CHLSN: variants seen among roughly 807,000 people sequenced by gnomAD.
CHLSN encodes protein cholesin.
chr7:999,326 C>G, the CHLSN span, among the ~76,000 whole-genome samples: 2 of 152,238 alleles, frequency 1.3e-5, no homozygotes, highest in African/African-American at 2.4e-5. Flanking sequence ...TCAGCTGCGC[C>G]GGGCGTGAGG....
At chr7:1,087,148 A>T in the CHLSN span, 1 of 152,114 alleles carries the variant, frequency 6.6e-6, no homozygotes, top group Non-Finnish European at 1.5e-5. Flanking sequence ...CCGGGGAGGG[A>T]GGTTTATTCT....
the CHLSN span, among the ~76,000 whole-genome samples, chr7:1,023,447 T>A: frequency 6.6e-6 from 1 of 151,770 alleles, no homozygotes; most frequent in African/African-American, 2.4e-5. This position sits in a 1 kb window ranked among gnomAD's most constrained non-coding sequence, Gnocchi z 5.0. Flanking sequence ...CCAGCGCCCC[T>A]CTGACAGCAC....
the CHLSN span, among the ~76,000 whole-genome samples, chr7:1,124,539 A>C: frequency 1.4e-3 from 168 of 120,908 alleles, 5 homozygotes; most frequent in East Asian, 0.039. Context: ...GCTGTGAAGA[A>C]GGAGTGAGTA....
At chr7:991,363 C>T in the CHLSN span, among the ~76,000 whole-genome samples, 33 of 152,176 alleles carry the variant, frequency 2.2e-4, no homozygotes, top group African/African-American at 3.1e-4. Flanking sequence ...CCAAGTTAGG[C>T]GGTCCAAATG....
chr7:1,047,464 G>A, the CHLSN span, among the ~76,000 whole-genome samples: 1 of 152,266 alleles, frequency 6.6e-6, no homozygotes, highest in Non-Finnish European at 1.5e-5. Context: ...ATAGGAATCA[G>A]TGTGCGTAAG....
the CHLSN span, chr7:989,766 C>A: frequency 1.5e-5 from 3 of 194,612 alleles, no homozygotes; most frequent in South Asian, 7.3e-5. Context: ...GGTGACAGAG[C>A]GAGATTCCAT....
the CHLSN span, among the ~76,000 whole-genome samples, chr7:1,073,530 C>T: frequency 3.9e-5 from 6 of 152,082 alleles, no homozygotes; most frequent in Non-Finnish European, 8.8e-5. Context: ...CCTTGAGACA[C>T]TTTTTTTACT....
the CHLSN span, among the ~76,000 whole-genome samples, chr7:1,039,189 G>A: frequency 9.4e-5 from 3 of 31,760 alleles, no homozygotes; most frequent in East Asian, 2.0e-3. Context: ...AGGGAGGTGG[G>A]GGTGTCAGCC....
the CHLSN span, among the ~76,000 whole-genome samples, chr7:1,008,238 AGCCCACACCTT>A: frequency 6.6e-6 from 1 of 152,160 alleles, no homozygotes; most frequent in South Asian, 2.1e-4. Context: ...TGCTCTGCCC[AGCCCACACCTT>A]GCCCACACCT....
chr7:1,089,753 C>G, the CHLSN span, among the ~76,000 whole-genome samples: 1 of 138,034 alleles, frequency 7.2e-6, no homozygotes, highest in Non-Finnish European at 1.5e-5. Flanking sequence ...AGCAATAGGT[C>G]AACAAATCTC....
the CHLSN span, chr7:1,057,853 C>T: frequency 3.9e-6 from 3 of 777,674 alleles, no homozygotes; most frequent in Non-Finnish European, 7.2e-6. Context: ...AATGTGTCCT[C>T]ACTGGTGGCC....
At chr7:1,034,430 A>C in the CHLSN span, among the ~76,000 whole-genome samples, 1 of 152,076 alleles carries the variant, frequency 6.6e-6, no homozygotes, top group Admixed American at 6.6e-5. Context: ...TTATTCTAAA[A>C]CGTATATGGA....
chr7:1,062,078 A>G, the CHLSN span, among the ~76,000 whole-genome samples: 2 of 152,280 alleles, frequency 1.3e-5, no homozygotes, highest in African/African-American at 4.8e-5. Flanking sequence ...CCCAGGGTCA[A>G]TGATATTGCT....
chr7:1,084,626 G>T, the CHLSN span, among the ~76,000 whole-genome samples: 1 of 152,226 alleles, frequency 6.6e-6, no homozygotes, highest in African/African-American at 2.4e-5. Flanking sequence ...AGCAGCAGTT[G>T]GTGGGAAGGG....
At chr7:991,526 C>T in the CHLSN span, among the ~76,000 whole-genome samples, 1 of 152,188 alleles carries the variant, frequency 6.6e-6, no homozygotes, top group African/African-American at 2.4e-5. Flanking sequence ...CCGGAGGTGC[C>T]ACCTTCTCGA....
chr7:1,109,173 C>A, the CHLSN span, among the ~76,000 whole-genome samples: 5 of 152,116 alleles, frequency 3.3e-5, no homozygotes, highest in Non-Finnish European at 7.4e-5. Flanking sequence ...CTCGGAGCCA[C>A]CACGCCCAGC....
At chr7:983,127 C>A in the CHLSN span, 2 of 1,178,624 alleles carry the variant, frequency 1.7e-6, no homozygotes, top group Non-Finnish European at 2.2e-6. Flanking sequence ...GGGTGGGGTG[C>A]GGGCACGCCC....
the CHLSN span, among the ~76,000 whole-genome samples, chr7:1,070,373 C>T: frequency 1.4e-5 from 2 of 138,620 alleles, no homozygotes; most frequent in African/African-American, 5.2e-5. Context: ...CAGCCCCCCG[C>T]CCGGCCAGCC....
At chr7:1,092,935 G>A in the CHLSN span, 48 of 1,339,030 alleles carry the variant, frequency 3.6e-5, no homozygotes, top group East Asian at 3.4e-4. Context: ...GCACGGCCAC[G>A]TCATGTCTCT....
Sources: allele counts gnomAD v4.1 joint callset (sites outside exome capture counted in the v4.1 genomes callset), GRCh38; gene constraint gnomAD v4.1.1; non-coding constraint Gnocchi (gnomAD v3.1); transcripts MANE v1.5; gene names NCBI Gene and HGNC (gene_info 2026-07-23, HGNC 2026-07-21).